Variants in DPP4 observed in about 807,000 individuals in gnomAD.
The protein encoded by DPP4 is dipeptidyl peptidase 4, also known as ADCP-2.
A neutral mutation model predicts 122.4 loss-of-function variants in DPP4; 93 were observed. The ratio of observed to expected loss-of-function variants is 0.76; its 90% CI spans 0.64 to 0.90. The LOEUF (loss-of-function observed/expected upper bound fraction) is 0.90. Ranked by LOEUF, DPP4 falls within the 40% of genes least tolerant of loss-of-function variation. DPP4 has a pLI of 0.00. For synonymous variants in DPP4, 321 were observed against 302.9 expected (o/e 1.06, Z -0.62); for missense variants, 914 against 907.3 (o/e 1.01, Z -0.09).
intron 2 of DPP4, among the ~76,000 whole-genome samples, chr2:162,059,912 T>C (rs926293885): frequency 2.6e-5 from 4 of 152,254 alleles, no homozygotes; most frequent in Non-Finnish European, 5.9e-5. Context: ...GGTGTTCTTC[T>C]AGTTTGCTGG....
At chr2:162,044,892 T>C (rs1684120021) in intron 5 of DPP4, among the ~76,000 whole-genome samples, 1 of 152,114 alleles carries the variant, frequency 6.6e-6, no homozygotes, top group African/African-American at 2.4e-5. Flanking sequence ...GGAGATGGTC[T>C]GGGCCATCTT....
At position 161,995,309 on chromosome 2, in the gene DPP4, TTC is replaced by T. The variant is rs1491572941; in HGVS notation, c.2114_2115del (p.Gly705AspfsTer4). 33 of 1,613,946 alleles carry T rather than the reference TTC, an allele frequency of 2.0e-5. No homozygotes were observed. The highest frequency in any genetic ancestry group is 2.7e-5 in the Non-Finnish European group (32 of 1,179,832). ...ATTAACTGAAACTCACCATCTGCTG[TTC>T]CATGAATAAGGAGGTACTCAACTTG... ...FKQVEYLLIH[G>X]TADDNVHFQQ... On this transcript the variant is annotated frameshift_variant, in exon 24 of 26. Coordinates refer to ENST00000360534, the MANE Select transcript of DPP4 (RefSeq NM_001935.4). LOFTEE classifies it high-confidence loss of function.
intron 18 of DPP4, among the ~76,000 whole-genome samples, 157 bp from the exon 19 acceptor site, chr2:162,014,622 T>A (rs945859148): frequency 6.6e-6 from 1 of 152,216 alleles, no homozygotes; most frequent in African/African-American, 2.4e-5. Context: ...AGCACATTTT[T>A]AAGATATAAC....
In DPP4 at chr2:162,074,168, G is replaced by C; in HGVS notation, c.-187C>G. The C allele has an allele frequency of 1.6e-6, 2 of 1,275,570 alleles. No homozygotes were observed. The highest frequency in any genetic ancestry group is 3.1e-5 in the East Asian group (1 of 31,980). The allele number at this position is 1,275,570 out of a possible 1,614,324, so 79.0% of individuals were successfully genotyped here. ...CTGGGTATAAAGGCGCCGCGGGCAGGCTGCAGGGCAGGCGGCGCGGGAGCA... is the reference window on the plus strand; with the variant it reads ...CTGGGTATAAAGGCGCCGCGGGCAGCCTGCAGGGCAGGCGGCGCGGGAGCA... On this transcript the variant is annotated 5_prime_UTR_variant, in exon 1 of 26. Transcript: ENST00000360534.
At chr2:162,071,463 A>T (rs1685115041) in intron 2 of DPP4, among the ~76,000 whole-genome samples, 1 of 152,126 alleles carries the variant, frequency 6.6e-6, no homozygotes, top group African/African-American at 2.4e-5. Context: ...CCAACATGGT[A>T]AAACCCCATC....
rs1264108713 is a variant in DPP4, at chr2:162,011,944, G to T, written c.1681C>A (p.Leu561Met). 1.2e-6 allele frequency: 2 copies of T among 1,613,562 alleles called. No homozygotes were observed. Among genetic ancestry groups the T allele is most frequent in the Non-Finnish European group, 1.7e-6 (2 of 1,179,696 alleles). ...CTTGCAAGGTAAGTGGCCCAGTTCAGTCTGAAGACAGTGTCTGCTTTTTGA... is the reference window on the plus strand; with the variant it reads ...CTTGCAAGGTAAGTGGCCCAGTTCATTCTGAAGACAGTGTCTGCTTTTTGA... ...CSQKADTVFR[L>M]NWATYLASTE... is the part of the protein sequence containing the mutation. Residue 561 changes from leucine (L) to methionine (M), a missense_variant, in exon 20 of 26, where the codon CTG becomes ATG. Transcript: ENST00000360534.
intron 22 of DPP4, among the ~76,000 whole-genome samples, chr2:162,006,111 A>G (rs1378180916): frequency 6.6e-6 from 1 of 152,218 alleles, no homozygotes; most frequent in Non-Finnish European, 1.5e-5. Context: ...CGATGGGGCA[A>G]AGGGAGATCA....
chr2:162,035,973 G>A (rs1284488474), intron 8 of DPP4, among the ~76,000 whole-genome samples: 1 of 152,166 alleles, frequency 6.6e-6, no homozygotes. Context: ...GTCAAAGAGG[G>A]AGGCAAATAA....
At chr2:161,995,590 C>T (rs1397209861) in intron 23 of DPP4, among the ~76,000 whole-genome samples, 1 of 152,214 alleles carries the variant, frequency 6.6e-6, no homozygotes. Context: ...GCCACATCTT[C>T]CCTGAACATG....
intron 10 of DPP4, among the ~76,000 whole-genome samples, chr2:162,030,032 A>G (rs1188205248): frequency 6.6e-6 from 1 of 152,158 alleles, no homozygotes; most frequent in African/African-American, 2.4e-5. Context: ...TGTCGCAGGC[A>G]CCCTACTACA....
At chr2:162,042,124 C>T (rs901713768) in intron 5 of DPP4, among the ~76,000 whole-genome samples, 3 of 152,174 alleles carry the variant, frequency 2.0e-5, no homozygotes, top group Non-Finnish European at 4.4e-5. Context: ...AGAGCAAAGG[C>T]TTTGGAGTCT....
rs185784494 is a variant in DPP4 at position 162,056,323 on chromosome 2, G to A, written c.95-8822C>T. On this transcript the variant is annotated intron_variant, in intron 2 of 25. Coordinates refer to ENST00000360534, the MANE Select transcript of DPP4 (RefSeq NM_001935.4). ...TTACTACAGCCTAGAACAGTGCCTG[G>A]TATACAGTAGACACTCAATAAATAG... Among the ~76,000 whole-genome samples, 5 of 152,200 alleles carry A rather than the reference G, an allele frequency of 3.3e-5. No homozygotes were observed. The East Asian group carries it at 9.7e-4, about 29-fold the overall frequency.
intron 2 of DPP4, among the ~76,000 whole-genome samples, chr2:162,064,043 C>T (rs1276224790): frequency 6.6e-6 from 1 of 152,018 alleles, no homozygotes; most frequent in Non-Finnish European, 1.5e-5. Flanking sequence ...GGAGGGGAGC[C>T]GATACAGGTG....
chr2:162,059,724 A>G lies in DPP4; in HGVS notation c.95-12223T>C, dbSNP rs577605398. Among the ~76,000 whole-genome samples the G allele has an allele frequency of 2.0e-4, 31 of 152,350 alleles. 1 individual carries two copies. The South Asian group carries it at 6.2e-3, about 31-fold the overall frequency. On this transcript the variant is annotated intron_variant, in intron 2 of 25. Transcript: ENST00000360534. The stretch of plus-strand genomic sequence containing the variant: ...AGCATTTGTCATCCCCGATATAAGA[A>G]AAAACAATTATTGGAAAACAAAACT...
chr2:162,055,246 A>G (rs1006313009), intron 2 of DPP4, among the ~76,000 whole-genome samples: 5 of 152,238 alleles, frequency 3.3e-5, no homozygotes, highest in African/African-American at 9.6e-5. Flanking sequence ...CACCATCCAT[A>G]GCCTCCATAT....
chr2:162,010,277 A>G (rs1328988339), intron 20 of DPP4, among the ~76,000 whole-genome samples: 1 of 152,222 alleles, frequency 6.6e-6, no homozygotes, highest in Admixed American at 6.5e-5. Context: ...TGGCCTGTGC[A>G]TATTATCAGA....
Position 161,993,101 on chromosome 2 carries a change from T to C in DPP4, c.*182A>G. 1 of 544,196 alleles carries C rather than the reference T, an allele frequency of 1.8e-6. No individual in the cohort carries two copies. Among genetic ancestry groups the C allele is most frequent in the East Asian group, 2.9e-5 (1 of 33,918 alleles). 33.7% of individuals were successfully genotyped at this position (544,196 alleles called of 1,614,324 possible). ...CAAACTTCTGTAAGGTAATAATCTGTTGTGAAGACAGAAGTCCCTACTTAA... is the reference window on the plus strand; with the variant it reads ...CAAACTTCTGTAAGGTAATAATCTGCTGTGAAGACAGAAGTCCCTACTTAA... On this transcript the variant is annotated 3_prime_UTR_variant, in exon 26 of 26. Transcript: ENST00000360534.
intron 10 of DPP4, among the ~76,000 whole-genome samples, chr2:162,030,494 G>C (rs1040363369): frequency 6.6e-6 from 1 of 152,200 alleles, no homozygotes; most frequent in African/African-American, 2.4e-5. Flanking sequence ...AGAGGAAGGA[G>C]AGGCACTGAT....
At chr2:162,044,183 C>G (rs1684093743) in intron 5 of DPP4, among the ~76,000 whole-genome samples, 2 of 152,120 alleles carry the variant, frequency 1.3e-5, no homozygotes, top group South Asian at 4.1e-4. Context: ...CTTAATTAAA[C>G]AAACAATAAT....
Sources: gnomAD v4.1 joint callset for allele counts (sites outside exome capture counted in the v4.1 genomes callset) on GRCh38, gnomAD v4.1.1 for gene constraint, MANE v1.5 for transcripts, NCBI Gene and HGNC (gene_info 2026-07-23, HGNC 2026-07-21) for gene names.